ATP8B4: variants seen among roughly 807,000 people sequenced by gnomAD.
ATP8B4 encodes probable phospholipid-transporting ATPase IM.
Under a neutral mutation model 145.6 loss-of-function variants are expected in ATP8B4, and 133 were observed. That is an observed-to-expected ratio of 0.91 (90% confidence interval 0.79 to 1.05). ATP8B4 has a LOEUF of 1.05. Among genes scored for constraint, ATP8B4 ranks in the 50% least tolerant of loss-of-function variants. The probability of loss-of-function intolerance (pLI) is 0.00; values close to 1 mark genes in which losing one functional copy is unlikely to be tolerated. For synonymous variants in ATP8B4, 507 were observed against 492.9 expected (o/e 1.03, Z -0.38); for missense variants, 1,458 against 1,425.2 (o/e 1.02, Z -0.37).
intron 1 of ATP8B4, among the ~76,000 whole-genome samples, chr15:50,148,517 A>G (rs2153680585): frequency 6.6e-6 from 1 of 152,322 alleles, no homozygotes; most frequent in South Asian, 2.1e-4. Flanking sequence ...AAGAGGCTTC[A>G]TGCAGTATGC....
chr15:50,054,243 C>T (rs1046079505), intron 3 of ATP8B4, among the ~76,000 whole-genome samples: 6 of 152,150 alleles, frequency 3.9e-5, no homozygotes, highest in African/African-American at 7.2e-5. Flanking sequence ...ATACTCATAA[C>T]GGAGCACCCA....
At chr15:50,104,885 A>ACACACACACACACACACACACC (rs1160886629) in intron 2 of ATP8B4, among the ~76,000 whole-genome samples, 7 of 150,910 alleles carry the variant, frequency 4.6e-5, no homozygotes, top group Non-Finnish European at 1.0e-4. Context: ...ACACACACAC[A>ACACACACACACACACACACACC]CACCCATATA....
chr15:50,112,389 G>A (rs2056989016), intron 1 of ATP8B4, among the ~76,000 whole-genome samples: 1 of 152,026 alleles, frequency 6.6e-6, no homozygotes, highest in African/African-American at 2.4e-5. Flanking sequence ...CTTCCTTTGG[G>A]TGTGGGTGCT....
At position 50,112,625 on chromosome 15, in the gene ATP8B4, T is replaced by C. The variant is rs543941654; in HGVS notation, c.-42-5617A>G. On this transcript the variant is annotated intron_variant, in intron 1 of 27. Transcript: ENST00000284509. Reference sequence around the variant, plus strand: ...TTCAAGTCCCAGTTCAGTGGCTTTCTATCTAGCATTACTTTGAGCAAGTCA... The same window carrying C: ...TTCAAGTCCCAGTTCAGTGGCTTTCCATCTAGCATTACTTTGAGCAAGTCA... Among the ~76,000 whole-genome samples the C allele has an allele frequency of 3.3e-5, 5 of 152,202 alleles. No individual in the cohort carries two copies. The East Asian group carries it at 7.8e-4, about 24-fold the overall frequency.
intron 20 of ATP8B4, among the ~76,000 whole-genome samples, chr15:49,907,471 C>T (rs936017525): frequency 3.9e-5 from 6 of 152,126 alleles, no homozygotes; most frequent in South Asian, 2.1e-4. Flanking sequence ...GCCTGCTGCC[C>T]TTATTGGGGA....
chr15:50,121,506 C>T (rs946186975), upstream of ATP8B4, among the ~76,000 whole-genome samples: 1 of 152,020 alleles, frequency 6.6e-6, no homozygotes, highest in Non-Finnish European at 1.5e-5. Flanking sequence ...GTTATGTATA[C>T]CTAGCACAAC....
chr15:50,148,292 A>G (rs981703588), intron 1 of ATP8B4, among the ~76,000 whole-genome samples: 7 of 152,234 alleles, frequency 4.6e-5, no homozygotes, highest in Non-Finnish European at 1.5e-5. Flanking sequence ...CATAAAAGAC[A>G]TAAATAATTA....
chr15:50,022,410 T>C (rs2049653195), intron 6 of ATP8B4, among the ~76,000 whole-genome samples: 2 of 152,166 alleles, frequency 1.3e-5, no homozygotes, highest in African/African-American at 2.4e-5. Flanking sequence ...CTGTGAGTTA[T>C]GAAAACAGAA....
chr15:49,902,594 A>G (rs2038158895), intron 20 of ATP8B4, among the ~76,000 whole-genome samples: 3 of 152,226 alleles, frequency 2.0e-5, no homozygotes, highest in Admixed American at 2.0e-4. Flanking sequence ...TCAAAGAAAA[A>G]GATGTATAAA....
At chr15:50,129,531 T>C (rs1320173016) in intron 1 of ATP8B4, among the ~76,000 whole-genome samples, 1 of 152,178 alleles carries the variant, frequency 6.6e-6, no homozygotes, top group Non-Finnish European at 1.5e-5. Context: ...TATATGGCCC[T>C]CTTATCAGGA....
chr15:50,084,852 G>A (rs186980315), intron 2 of ATP8B4, among the ~76,000 whole-genome samples: 2 of 152,128 alleles, frequency 1.3e-5, no homozygotes, highest in South Asian at 2.1e-4. Flanking sequence ...GCCTCCCTCT[G>A]ATAAGGATCC....
intron 3 of ATP8B4, among the ~76,000 whole-genome samples, chr15:50,064,957 A>T (rs2153627364): frequency 6.6e-6 from 1 of 152,292 alleles, no homozygotes; most frequent in Middle Eastern, 3.4e-3. Flanking sequence ...TAACCCACTC[A>T]TAAGAACTTC....
intron 1 of ATP8B4, among the ~76,000 whole-genome samples, chr15:50,163,043 A>C (rs534791670): frequency 6.6e-6 from 1 of 152,282 alleles, no homozygotes; most frequent in South Asian, 2.1e-4. Flanking sequence ...CTTGAATTCC[A>C]TTAAGGTTTC....
chr15:49,962,213 C>T (rs1435745721), intron 13 of ATP8B4, among the ~76,000 whole-genome samples, 193 bp from the exon 14 acceptor site: 2 of 152,152 alleles, frequency 1.3e-5, no homozygotes, highest in African/African-American at 4.8e-5. Context: ...GTGAGACATT[C>T]GTGTTTGCCC....
chr15:49,888,018 A>T (rs897097484), intron 23 of ATP8B4, among the ~76,000 whole-genome samples: 2 of 152,190 alleles, frequency 1.3e-5, no homozygotes, highest in Non-Finnish European at 2.9e-5. Context: ...TGTGTTGCAG[A>T]GGAAACCTAT....
At chr15:49,863,268 T>C (rs1160832013) in intron 26 of ATP8B4, among the ~76,000 whole-genome samples, 1 of 152,166 alleles carries the variant, frequency 6.6e-6, no homozygotes, top group Non-Finnish European at 1.5e-5. Context: ...GAAAAGAACA[T>C]TCCCTCACCA....
chr15:49,882,241 C>A (rs1033820638), intron 23 of ATP8B4, among the ~76,000 whole-genome samples: 1 of 151,980 alleles, frequency 6.6e-6, no homozygotes, highest in Non-Finnish European at 1.5e-5. Context: ...CAGAGCAGTG[C>A]GACCCCACAG....
chr15:49,960,737 A>C (rs1426990375), intron 14 of ATP8B4, among the ~76,000 whole-genome samples: 3 of 152,256 alleles, frequency 2.0e-5, no homozygotes, highest in Non-Finnish European at 2.9e-5. Flanking sequence ...AAAAGAATAC[A>C]TAAAACTCAT....
chr15:49,972,575 C>A lies in ATP8B4; in HGVS notation c.1243+7G>T. ...TATCGTTAAGAGAAAGGAACTGTTTCTCTTACCATAGATTCTCCCATTAAT... is the reference window on the plus strand; with the variant it reads ...TATCGTTAAGAGAAAGGAACTGTTTATCTTACCATAGATTCTCCCATTAAT... On this transcript the variant is annotated splice_region_variant and intron_variant, in intron 13 of 27. Coordinates refer to ENST00000284509, the MANE Select transcript of ATP8B4 (RefSeq NM_024837.4). 1 of 1,608,566 alleles carries A rather than the reference C, an allele frequency of 6.2e-7. No homozygotes were observed. The highest frequency in any genetic ancestry group is 8.5e-7 in the Non-Finnish European group (1 of 1,175,744).
Sources: allele counts gnomAD v4.1 joint callset (sites outside exome capture counted in the v4.1 genomes callset), GRCh38; gene constraint gnomAD v4.1.1; transcripts MANE v1.5; gene names NCBI Gene and HGNC (gene_info 2026-07-23, HGNC 2026-07-21).